The following KCTD8 variants were observed in gnomAD, a reference collection of about 807,000 sequenced individuals.
KCTD8 encodes potassium channel tetramerization domain containing 8.
KCTD8 carries 27 observed loss-of-function variants against 31.5 expected under a neutral mutation model. The ratio of observed to expected loss-of-function variants is 0.86; its 90% CI spans 0.63 to 1.18. The LOEUF is 1.18. Ranked by LOEUF, KCTD8 falls within the 50% of genes most tolerant of loss-of-function variation. The pLI, the probability that KCTD8 is intolerant of heterozygous loss-of-function variation, is 0.00. For missense variants in KCTD8, 658 were observed against 647.7 expected (o/e 1.02, Z -0.17); for synonymous variants, 290 against 280.0 (o/e 1.04, Z -0.36).
At chr4:44,318,226 G>C (rs1344090451) in intron 1 of KCTD8, among the ~76,000 whole-genome samples, 3 of 152,036 alleles carry the variant, frequency 2.0e-5, no homozygotes, top group Admixed American at 1.3e-4. Context: ...ATGTCATACT[G>C]TCTGTTTTCT....
chr4:44,265,857 G>C (rs1052504468), intron 1 of KCTD8, among the ~76,000 whole-genome samples: 2 of 152,170 alleles, frequency 1.3e-5, no homozygotes, highest in African/African-American at 4.8e-5. Flanking sequence ...AGAATAAAAA[G>C]AAATGAACAA....
intron 1 of KCTD8, among the ~76,000 whole-genome samples, chr4:44,359,102 T>A (rs1187378682): frequency 6.6e-6 from 1 of 152,198 alleles, no homozygotes; most frequent in Non-Finnish European, 1.5e-5. Context: ...ATTTATCCAG[T>A]TCTATAGGTT....
At chr4:44,392,889 A>G (rs1305934515) in intron 1 of KCTD8, among the ~76,000 whole-genome samples, 1 of 152,070 alleles carries the variant, frequency 6.6e-6, no homozygotes, top group Non-Finnish European at 1.5e-5. Flanking sequence ...TTTTTACTAA[A>G]CGTCAAAAAT....
At chr4:44,410,380 C>A (rs1057171800) in intron 1 of KCTD8, among the ~76,000 whole-genome samples, 3 of 152,090 alleles carry the variant, frequency 2.0e-5, no homozygotes, top group Non-Finnish European at 4.4e-5. Context: ...GCATTATATT[C>A]TTCACCTGTA....
intron 1 of KCTD8, among the ~76,000 whole-genome samples, chr4:44,311,715 A>G (rs1717956310): frequency 1.3e-5 from 2 of 151,972 alleles, no homozygotes; most frequent in Admixed American, 6.6e-5. Context: ...CTGAGATGCA[A>G]GTGATTCAGG....
intron 1 of KCTD8, among the ~76,000 whole-genome samples, chr4:44,365,897 A>T (rs536914969): frequency 2.0e-5 from 3 of 152,310 alleles, no homozygotes; most frequent in Admixed American, 2.0e-4. Context: ...CTATTACATA[A>T]ATTATGGTCA....
At chr4:44,321,083 C>A (rs1360355444) in intron 1 of KCTD8, among the ~76,000 whole-genome samples, 2 of 152,190 alleles carry the variant, frequency 1.3e-5, no homozygotes, top group Non-Finnish European at 2.9e-5. Context: ...CTTCATCAAC[C>A]ATCCTAGGTG....
chr4:44,337,336 A>C (rs1718776012), intron 1 of KCTD8, among the ~76,000 whole-genome samples: 1 of 152,204 alleles, frequency 6.6e-6, no homozygotes, highest in Non-Finnish European at 1.5e-5. Flanking sequence ...TTTTAAAAGT[A>C]AAAACTATAA....
chr4:44,239,068 C>A (rs1390173940), intron 1 of KCTD8, among the ~76,000 whole-genome samples: 1 of 152,078 alleles, frequency 6.6e-6, no homozygotes, highest in African/African-American at 2.4e-5. Flanking sequence ...AGTTAAATAG[C>A]CTGGACATCT....
chr4:44,415,407 A>G (rs1289783129), intron 1 of KCTD8, among the ~76,000 whole-genome samples: 1 of 152,198 alleles, frequency 6.6e-6, no homozygotes, highest in Non-Finnish European at 1.5e-5. Flanking sequence ...TAGAGAGATT[A>G]GCATGACTAA....
intron 1 of KCTD8, among the ~76,000 whole-genome samples, chr4:44,261,839 A>T (rs1716191213): frequency 6.6e-6 from 1 of 152,030 alleles, no homozygotes; most frequent in East Asian, 1.9e-4. Flanking sequence ...GTGTTAATTG[A>T]TTTGAATGTG....
At chr4:44,266,242 C>T (rs1336143201) in intron 1 of KCTD8, among the ~76,000 whole-genome samples, 1 of 152,058 alleles carries the variant, frequency 6.6e-6, no homozygotes, top group Non-Finnish European at 1.5e-5. Context: ...CAATATTCAA[C>T]ATTCTTAAAG....
intron 1 of KCTD8, among the ~76,000 whole-genome samples, chr4:44,275,541 TGAG>T (rs1231968736): frequency 6.6e-6 from 1 of 152,016 alleles, no homozygotes; most frequent in East Asian, 1.9e-4. Context: ...ACTGTACAAA[TGAG>T]GACACAAACT....
chr4:44,181,630 C>G (rs1331268995), intron 1 of KCTD8, among the ~76,000 whole-genome samples: 1 of 152,184 alleles, frequency 6.6e-6, no homozygotes, highest in South Asian at 2.1e-4. Context: ...CCTTGGCCTC[C>G]CAAAGTGCCG....
chr4:44,348,488 T>C (rs983571316), intron 1 of KCTD8, among the ~76,000 whole-genome samples: 1 of 152,166 alleles, frequency 6.6e-6, no homozygotes, highest in Non-Finnish European at 1.5e-5. Flanking sequence ...GCAAGTTAAG[T>C]GTGTATGTAC....
intron 1 of KCTD8, among the ~76,000 whole-genome samples, chr4:44,373,180 T>C (rs1719834199): frequency 6.6e-6 from 1 of 151,924 alleles, no homozygotes; most frequent in South Asian, 2.1e-4. Flanking sequence ...CTGACCAACA[T>C]GGTGAAACTG....
At chr4:44,352,459 T>C (rs557288736) in intron 1 of KCTD8, among the ~76,000 whole-genome samples, 10 of 149,438 alleles carry the variant, frequency 6.7e-5, no homozygotes, top group Non-Finnish European at 1.0e-4. Context: ...ATGGAAATAG[T>C]AAAAAGAGAA....
chr4:44,312,398 G>C (rs990304913), intron 1 of KCTD8, among the ~76,000 whole-genome samples: 2 of 152,078 alleles, frequency 1.3e-5, no homozygotes, highest in Non-Finnish European at 2.9e-5. Context: ...TATCTTTTCA[G>C]GGTAAAATGA....
chr4:44,344,246 A>G (rs1019653699), intron 1 of KCTD8, among the ~76,000 whole-genome samples: 1 of 151,750 alleles, frequency 6.6e-6, no homozygotes, highest in Non-Finnish European at 1.5e-5. Flanking sequence ...GTGCAGTGTT[A>G]AAATCGTAGC....
Sources: allele counts gnomAD v4.1 joint callset (sites outside exome capture counted in the v4.1 genomes callset), GRCh38; gene constraint gnomAD v4.1.1; transcripts MANE v1.5; gene names NCBI Gene and HGNC (gene_info 2026-07-23, HGNC 2026-07-21).